TRIM49C: variants seen among roughly 807,000 people sequenced by gnomAD.
TRIM49C encodes tripartite motif containing 49C, also known as tripartite motif-containing protein 49C.
In TRIM49C, 6 loss-of-function variants were observed where a neutral mutation model predicts 21.4. That is an observed-to-expected ratio of 0.28 (90% confidence interval 0.15 to 0.55). The LOEUF is 0.55. Among genes scored for constraint, TRIM49C ranks in the 20% least tolerant of loss-of-function variants. The pLI is 0.94. For synonymous variants in TRIM49C, 57 were observed against 148.1 expected, an observed-to-expected ratio of 0.38 and a Z score of 4.47; for missense variants, 161 against 442.4, an observed-to-expected ratio of 0.36 and a Z score of 5.71.
chr11:90,034,768 A>T (rs1300077430), intron 2 of TRIM49C, among the ~76,000 whole-genome samples: 1 of 133,998 alleles, frequency 7.5e-6, no homozygotes, highest in African/African-American at 2.7e-5. Flanking sequence ...TATGTCATAG[A>T]ACCATCTTCT....
At chr11:90,065,742 G>A in the TRIM49C span, among the ~76,000 whole-genome samples, 3 of 140,248 alleles carry the variant, frequency 2.1e-5, 1 homozygote, top group East Asian at 4.5e-4. Context: ...GGATCACGAG[G>A]TCAGGAGTTC....
Position 90,041,930 on chromosome 11 carries a change from CAAT to C in TRIM49C, c.*381_*383del, listed in dbSNP as rs1396869283. Reference sequence around the variant, plus strand: ...ATGCAAAAAACTTGGAGTGAAGTCTCAATGATAACTGGGAAATGTTTTTCTTCC... The same window carrying C: ...ATGCAAAAAACTTGGAGTGAAGTCTCGATAACTGGGAAATGTTTTTCTTCC... On this transcript the variant is annotated 3_prime_UTR_variant, in exon 8 of 8. Transcript: ENST00000448984. 1.3e-4 allele frequency: 11 copies of C among 84,060 alleles called. No homozygotes were observed. The highest frequency in any genetic ancestry group is 5.9e-4 in the African/African-American group (11 of 18,526). The allele number at this position is 84,060 out of a possible 1,614,324, so 5.2% of individuals were successfully genotyped here. A position where few individuals can be genotyped will look rare whatever the true frequency, so the allele number is the denominator to read the frequency against.
intron 6 of TRIM49C, among the ~76,000 whole-genome samples, chr11:90,039,050 C>T (rs1167648637): frequency 7.4e-6 from 1 of 135,344 alleles, no homozygotes; most frequent in Non-Finnish European, 1.6e-5. Context: ...CTCCCGAGTA[C>T]CCGGGACTAC....
chr11:90,039,209 G>A (rs1161429612), intron 6 of TRIM49C, among the ~76,000 whole-genome samples: 2 of 132,778 alleles, frequency 1.5e-5, no homozygotes, highest in African/African-American at 2.8e-5. Context: ...GTGAACCACC[G>A]TGCCCGGCCC....
chr11:90,071,320 G>T, the TRIM49C span, among the ~76,000 whole-genome samples: 1 of 140,894 alleles, frequency 7.1e-6, no homozygotes, highest in African/African-American at 2.6e-5. Flanking sequence ...TGTTTGTGTG[G>T]TATGTTGAAT....
chr11:90,065,752 C>T, the TRIM49C span, among the ~76,000 whole-genome samples: 1 of 139,760 alleles, frequency 7.2e-6, no homozygotes, highest in Non-Finnish European at 1.6e-5. Flanking sequence ...GTCAGGAGTT[C>T]AAGACCAGCC....
Position 90,031,166 on chromosome 11 carries a change from A to C in TRIM49C, c.-269A>C, listed in dbSNP as rs1397551269. On this transcript the variant is annotated 5_prime_UTR_variant, in exon 1 of 8. Transcript: ENST00000448984. ...AAAGCTTTGATTCATGACCACTGGG[A>C]TCCAGCCAGCGGGGGATTTCTTTTC... 2 of 132,944 alleles carry C rather than the reference A, an allele frequency of 1.5e-5. No individual in the cohort carries two copies. The highest frequency in any genetic ancestry group is 5.4e-5 in the African/African-American group (2 of 36,754). 8.2% of individuals were successfully genotyped at this position (132,944 alleles called of 1,614,324 possible).
chr11:90,035,116 A>G (rs1422584303), intron 2 of TRIM49C, 92 bp from the exon 3 acceptor site: 6 of 1,438,242 alleles, frequency 4.2e-6, no homozygotes, highest in Non-Finnish European at 5.7e-6. Flanking sequence ...CACTGTCAAG[A>G]GAAGAAAATA....
downstream of TRIM49C, among the ~76,000 whole-genome samples, chr11:90,046,615 C>A (rs1950803251): frequency 1.6e-5 from 2 of 121,484 alleles, 1 homozygote; most frequent in Non-Finnish European, 3.4e-5. Flanking sequence ...GTGGTGATAT[C>A]CCCTTTATCA....
the TRIM49C span, among the ~76,000 whole-genome samples, chr11:90,070,062 G>A: frequency 1.7e-5 from 2 of 119,094 alleles, no homozygotes; most frequent in East Asian, 4.9e-4. Flanking sequence ...GGGGAACTGT[G>A]GCTTCTAAAC....
At chr11:90,056,115 C>T in the TRIM49C span, among the ~76,000 whole-genome samples, 1 of 135,594 alleles carries the variant, frequency 7.4e-6, no homozygotes, top group African/African-American at 2.6e-5. Context: ...CCCGCCACCG[C>T]GCCCGGCTAA....
At position 90,038,936 on chromosome 11, in the gene TRIM49C, T is replaced by C. The variant is rs547937762; in HGVS notation, c.761+221T>C. ...ATTTGATTCCTGGTTTTGTTTTTTT[T>C]TGAGACGCTGTCTGGCTCTGTCGCC... On this transcript the variant is annotated intron_variant, in intron 6 of 7. Coordinates refer to ENST00000448984, the MANE Select transcript of TRIM49C (RefSeq NM_001195234.1). 3.3e-4 allele frequency among the ~76,000 whole-genome samples: 45 copies of C among 137,998 alleles called. 7 individuals are homozygous for C. The highest frequency in any genetic ancestry group is 1.1e-3 in the African/African-American group (44 of 39,076). 90.5% of individuals were successfully genotyped at this position (137,998 alleles called of 152,430 possible).
chr11:90,036,128 C>T (rs377512548), intron 4 of TRIM49C, 145 bp downstream of exon 4: 1 of 1,132,118 alleles, frequency 8.8e-7, no homozygotes. Flanking sequence ...GAAAAAGTGG[C>T]CTCATTTTTA....
the TRIM49C span, among the ~76,000 whole-genome samples, chr11:90,049,008 T>A: frequency 7.8e-6 from 1 of 127,574 alleles, no homozygotes; most frequent in Admixed American, 8.8e-5. Context: ...GCTGCAGGTC[T>A]GGTGGAGTTT....
the TRIM49C span, among the ~76,000 whole-genome samples, chr11:90,056,207 G>T: frequency 1.5e-5 from 2 of 137,358 alleles, 1 homozygote; most frequent in Non-Finnish European, 3.2e-5. Context: ...TGATCCGCCC[G>T]CCTCGGCCTC....
At chr11:90,052,189 C>A in the TRIM49C span, 11 of 343,878 alleles carry the variant, frequency 3.2e-5, 1 homozygote, top group Non-Finnish European at 5.7e-5. Flanking sequence ...GGATTCCTCA[C>A]GGGAGCCCGC....
At chr11:90,066,856 C>T in the TRIM49C span, among the ~76,000 whole-genome samples, 3 of 137,474 alleles carry the variant, frequency 2.2e-5, no homozygotes, top group Non-Finnish European at 4.7e-5. Context: ...CAACCTCTGC[C>T]TCCGAGGTTC....
At chr11:90,046,165 T>C (rs1381739507), downstream of TRIM49C, among the ~76,000 whole-genome samples, 2 of 125,362 alleles carry the variant, frequency 1.6e-5, 1 homozygote, top group Non-Finnish European at 3.3e-5. Flanking sequence ...TTTGATGTGC[T>C]GCTGGATTCT....
At chr11:90,072,370 T>C in the TRIM49C span, among the ~76,000 whole-genome samples, 1 of 149,030 alleles carries the variant, frequency 6.7e-6, no homozygotes, top group East Asian at 1.9e-4. Context: ...AGATAAAAGA[T>C]GTCTGTGCCT....
Sources: allele counts gnomAD v4.1 joint callset (sites outside exome capture counted in the v4.1 genomes callset), GRCh38; gene constraint gnomAD v4.1.1; transcripts MANE v1.5; gene names NCBI Gene and HGNC (gene_info 2026-07-23, HGNC 2026-07-21).